AP3B1: variants seen among roughly 807,000 people sequenced by gnomAD.
The protein encoded by AP3B1 is adaptor related protein complex 3 subunit beta 1, also known as AP-3 complex subunit beta-1.
AP3B1 carries 61 observed loss-of-function variants against 132.5 expected under a neutral mutation model. That is an observed-to-expected ratio of 0.46 (90% CI 0.37 to 0.57). AP3B1 has a LOEUF of 0.57. AP3B1 is among the 20% of genes least tolerant of loss of function. The pLI is 0.00. For synonymous variants in AP3B1, 388 were observed against 438.3 expected, an observed-to-expected ratio of 0.89 and a Z score of 1.43; for missense variants, 1,120 against 1,289.4, an observed-to-expected ratio of 0.87 and a Z score of 2.01.
At chr5:78,029,485 T>A (rs1747482205) in intron 24 of AP3B1, among the ~76,000 whole-genome samples, 1 of 151,230 alleles carries the variant, frequency 6.6e-6, no homozygotes, top group Admixed American at 6.7e-5. Flanking sequence ...AAATAGCATA[T>A]GTTAAATTTT....
chr5:78,152,798 A>C (rs113406261), intron 14 of AP3B1, among the ~76,000 whole-genome samples: 1 of 152,050 alleles, frequency 6.6e-6, no homozygotes, highest in Non-Finnish European at 1.5e-5. Flanking sequence ...TTCTTCATTG[A>C]CCCATTGGTC....
chr5:78,246,196 C>T (rs533748184), intron 2 of AP3B1, among the ~76,000 whole-genome samples: 152 of 152,292 alleles, frequency 1.0e-3, no homozygotes, highest in Non-Finnish European at 1.5e-3. Flanking sequence ...TAACTTCACA[C>T]ATTTGACTTT....
At chr5:78,195,496 T>C (rs909881388) in intron 7 of AP3B1, among the ~76,000 whole-genome samples, 6 of 152,134 alleles carry the variant, frequency 3.9e-5, no homozygotes, top group African/African-American at 9.7e-5. Context: ...GGAGAAAAGA[T>C]AGTCGTTCAA....
intron 26 of AP3B1, among the ~76,000 whole-genome samples, chr5:78,003,983 G>C (rs1009648225): frequency 3.0e-4 from 46 of 152,280 alleles, no homozygotes; most frequent in African/African-American, 6.7e-4. Flanking sequence ...CACACTTTTT[G>C]GGGGAGGGGG....
chr5:78,051,020 T>C (rs1296917428), intron 22 of AP3B1, among the ~76,000 whole-genome samples: 1 of 152,186 alleles, frequency 6.6e-6, no homozygotes, highest in Admixed American at 6.5e-5. Flanking sequence ...TTAGATGGTT[T>C]ATGAAAATAA....
chr5:78,010,124 C>T (rs747652728), intron 26 of AP3B1, among the ~76,000 whole-genome samples: 3 of 152,092 alleles, frequency 2.0e-5, no homozygotes, highest in South Asian at 2.1e-4. Context: ...AATGTACTCC[C>T]GTAATGGACA....
intron 7 of AP3B1, among the ~76,000 whole-genome samples, chr5:78,214,380 A>C (rs1745873001): frequency 6.6e-6 from 1 of 152,226 alleles, no homozygotes; most frequent in Non-Finnish European, 1.5e-5. Flanking sequence ...AAGGAACAGA[A>C]AAACAAATAA....
At chr5:78,117,350 C>A (rs1751899252) in intron 17 of AP3B1, among the ~76,000 whole-genome samples, 1 of 151,226 alleles carries the variant, frequency 6.6e-6, no homozygotes, top group South Asian at 2.1e-4. Context: ...CGCTCCGTCG[C>A]CCAGGCTGGA....
At chr5:78,063,325 T>C (rs1216185921) in intron 22 of AP3B1, among the ~76,000 whole-genome samples, 1 of 152,206 alleles carries the variant, frequency 6.6e-6, no homozygotes, top group African/African-American at 2.4e-5. Flanking sequence ...GGCTACATAA[T>C]CTTCAAATAG....
At chr5:78,127,498 T>G (rs1389524672) in intron 17 of AP3B1, among the ~76,000 whole-genome samples, 2 of 152,120 alleles carry the variant, frequency 1.3e-5, no homozygotes, top group Admixed American at 1.3e-4. Context: ...AGCAAATTTG[T>G]TTTTGATGAG....
chr5:78,158,546 C>T (rs1743249573), intron 13 of AP3B1, among the ~76,000 whole-genome samples: 2 of 152,016 alleles, frequency 1.3e-5, no homozygotes, highest in African/African-American at 4.8e-5. Context: ...ATTTCCTTCT[C>T]ACAATAATGT....
intron 13 of AP3B1, among the ~76,000 whole-genome samples, chr5:78,158,808 T>C (rs2112362391): frequency 6.6e-6 from 1 of 152,202 alleles, no homozygotes; most frequent in Non-Finnish European, 1.5e-5. Context: ...GCGATTCTCC[T>C]GCCTCAGCCT....
chr5:78,126,423 T>G (rs776169109), intron 17 of AP3B1, among the ~76,000 whole-genome samples: 11 of 144,160 alleles, frequency 7.6e-5, no homozygotes, highest in Non-Finnish European at 1.3e-4. Flanking sequence ...GAGAATCGCT[T>G]GAACCTGGGA....
intron 1 of AP3B1, among the ~76,000 whole-genome samples, chr5:78,281,900 C>G (rs1749073376): frequency 6.6e-6 from 1 of 151,344 alleles, no homozygotes; most frequent in Non-Finnish European, 1.5e-5. Flanking sequence ...GATACCTTGT[C>G]AAATAGGGGA....
intron 1 of AP3B1, among the ~76,000 whole-genome samples, chr5:78,279,830 G>GTATA (rs70997982): frequency 2.1e-3 from 307 of 142,982 alleles, no homozygotes; most frequent in African/African-American, 7.0e-3. Flanking sequence ...ATATAGGTGT[G>GTATA]TATATATATA....
chr5:78,097,633 C>G (rs1252132844), intron 21 of AP3B1, among the ~76,000 whole-genome samples: 1 of 143,024 alleles, frequency 7.0e-6, no homozygotes, highest in Non-Finnish European at 1.6e-5. Context: ...GCCCGGCCAG[C>G]CGCCCCGTCC....
intron 25 of AP3B1, 172 bp from the exon 26 acceptor site, chr5:78,015,720 G>T: frequency 1.6e-6 from 1 of 633,990 alleles, no homozygotes; most frequent in Non-Finnish European, 2.6e-6. Flanking sequence ...TTGTTTCGAA[G>T]TTTTTTAAAA....
chr5:78,277,975 T>C (rs1748855558), intron 1 of AP3B1, among the ~76,000 whole-genome samples: 1 of 152,190 alleles, frequency 6.6e-6, no homozygotes, highest in Non-Finnish European at 1.5e-5. Flanking sequence ...CTTGGCCTCT[T>C]GGTAGGCAGC....
In AP3B1 at chr5:78,073,816, C is replaced by T. The variant is rs547893159; in HGVS notation, c.2577+15577G>A. Among the ~76,000 whole-genome samples the T allele has an allele frequency of 1.1e-4, 16 of 152,220 alleles. No individual in the cohort carries two copies. In the South Asian group the frequency reaches 2.1e-3, roughly 20 times the overall value. On this transcript the variant is annotated intron_variant, in intron 22 of 26. Transcript: ENST00000255194. ...AACTCTCAGCTCTGAAACAAGTGAA[C>T]TCACAGCCAGCAGAACTACTTACCA... is the stretch of plus-strand genomic sequence containing the variant.
Sources: allele counts gnomAD v4.1 joint callset (sites outside exome capture counted in the v4.1 genomes callset), GRCh38; gene constraint gnomAD v4.1.1; transcripts MANE v1.5; gene names NCBI Gene and HGNC (gene_info 2026-07-23, HGNC 2026-07-21).